The following SNTB1 variants were observed in gnomAD, a reference collection of about 807,000 sequenced individuals.
SNTB1 encodes beta-1-syntrophin.
Under a neutral mutation model 48.9 loss-of-function variants are expected in SNTB1, and 36 were observed. The observed-to-expected ratio is 0.74, with a 90% confidence interval of 0.56 to 0.97. SNTB1 has a LOEUF of 0.97. Ranked by LOEUF, SNTB1 falls within the 50% of genes least tolerant of loss-of-function variation. SNTB1 has a pLI of 0.00. For missense variants in SNTB1, 786 were observed against 703.4 expected (o/e 1.12, Z -1.33); for synonymous variants, 299 against 294.6 (o/e 1.01, Z -0.15).
intron 2 of SNTB1, among the ~76,000 whole-genome samples, chr8:120,671,218 T>G (rs1039066451): frequency 2.9e-4 from 44 of 152,172 alleles, no homozygotes; most frequent in Admixed American, 7.9e-4. Flanking sequence ...TTTAGAGGAA[T>G]TTGAGAAGCA....
At chr8:120,632,228 A>G (rs1449252427) in intron 3 of SNTB1, among the ~76,000 whole-genome samples, 1 of 152,142 alleles carries the variant, frequency 6.6e-6, no homozygotes. Flanking sequence ...ACCCCGTGCA[A>G]TTTGCCACAT....
chr8:120,686,895 T>A (rs930074666), intron 2 of SNTB1, among the ~76,000 whole-genome samples: 2 of 152,184 alleles, frequency 1.3e-5, no homozygotes, highest in African/African-American at 4.8e-5. Flanking sequence ...ATAGTTTCCA[T>A]TATGAAGCCA....
intron 2 of SNTB1, among the ~76,000 whole-genome samples, chr8:120,675,743 A>T (rs1290059895): frequency 1.3e-5 from 2 of 152,222 alleles, no homozygotes; most frequent in Non-Finnish European, 2.9e-5. Context: ...CCAGAATTCC[A>T]CAAAACTGAT....
intron 1 of SNTB1, among the ~76,000 whole-genome samples, chr8:120,791,226 T>C (rs1484741725): frequency 6.6e-6 from 1 of 151,796 alleles, no homozygotes; most frequent in Non-Finnish European, 1.5e-5. Flanking sequence ...TAAATGTTGA[T>C]AGGAAAATTG....
At chr8:120,637,246 G>A in intron 2 of SNTB1, 1 of 344,658 alleles carries the variant, frequency 2.9e-6, no homozygotes, top group South Asian at 3.6e-5. Context: ...AAAATAAGAT[G>A]GGAAAAAGTC....
chr8:120,541,741 G>A (rs554815740), intron 6 of SNTB1, 69 bp downstream of exon 6: 2 of 1,154,834 alleles, frequency 1.7e-6, no homozygotes, highest in African/African-American at 3.1e-5. Context: ...ATAAGAGTAA[G>A]GCAGCATTAT....
intron 1 of SNTB1, among the ~76,000 whole-genome samples, chr8:120,774,280 C>T (rs1819693106): frequency 6.6e-6 from 1 of 152,196 alleles, no homozygotes; most frequent in Admixed American, 6.5e-5. Context: ...TTCATGAGCA[C>T]ACCCCATGAA....
At position 120,628,583 on chromosome 8, in the gene SNTB1, C is replaced by A. The variant is rs112593598; in HGVS notation, c.996+3861G>T. ...ACCATCCTGGCCAACAGAGCAAAAC[C>A]CCATCTCTTCTAAAACTACAAAAAT... On this transcript the variant is annotated intron_variant, in intron 3 of 6. Transcript: ENST00000517992. Among the ~76,000 whole-genome samples, 330 of 152,208 alleles carry A rather than the reference C, an allele frequency of 2.2e-3. 4 individuals are homozygous for A. The highest frequency in any genetic ancestry group is 7.0e-3 in the African/African-American group (291 of 41,534).
chr8:120,546,219 T>C (rs1476142693), intron 5 of SNTB1, among the ~76,000 whole-genome samples: 1 of 152,232 alleles, frequency 6.6e-6, no homozygotes, highest in Admixed American at 6.5e-5. Flanking sequence ...TGACACCTGA[T>C]GCCCTTTGAT....
At chr8:120,627,012 T>C (rs1391598573) in intron 3 of SNTB1, among the ~76,000 whole-genome samples, 1 of 152,184 alleles carries the variant, frequency 6.6e-6, no homozygotes, top group Non-Finnish European at 1.5e-5. Flanking sequence ...TCTTGTGAAG[T>C]GTCATATGGA....
At chr8:120,547,351 T>TATGTGAC (rs1293162588) in intron 5 of SNTB1, among the ~76,000 whole-genome samples, 6 of 152,250 alleles carry the variant, frequency 3.9e-5, no homozygotes, top group African/African-American at 1.4e-4. Context: ...ATCCCAGCAC[T>TATGTGAC]TTGGGAAGTC....
chr8:120,607,088 T>C (rs1563830031), intron 3 of SNTB1, among the ~76,000 whole-genome samples: 2 of 152,090 alleles, frequency 1.3e-5, no homozygotes, highest in Non-Finnish European at 2.9e-5. Context: ...AGGCACAGAA[T>C]TAGTATACAG....
intron 2 of SNTB1, among the ~76,000 whole-genome samples, chr8:120,645,240 T>C (rs980593208): frequency 6.6e-6 from 1 of 152,180 alleles, no homozygotes; most frequent in East Asian, 1.9e-4. Flanking sequence ...TCCTTGCCCA[T>C]GCCTATGTCC....
At chr8:120,784,742 G>A (rs1429010897) in intron 1 of SNTB1, among the ~76,000 whole-genome samples, 1 of 152,208 alleles carries the variant, frequency 6.6e-6, no homozygotes, top group Non-Finnish European at 1.5e-5. Flanking sequence ...ACAAAATAGT[G>A]TATTGAGATT....
intron 1 of SNTB1, among the ~76,000 whole-genome samples, chr8:120,794,116 A>G (rs1222935672): frequency 6.6e-6 from 1 of 151,996 alleles, no homozygotes; most frequent in Non-Finnish European, 1.5e-5. Context: ...GAATGGGCAG[A>G]GATGGTGAAT....
chr8:120,569,772 T>C (rs1310810268), intron 4 of SNTB1, among the ~76,000 whole-genome samples: 2 of 152,356 alleles, frequency 1.3e-5, no homozygotes, highest in Admixed American at 1.3e-4. Flanking sequence ...CAGGTGGCTA[T>C]TGGACCCTTG....
intron 2 of SNTB1, among the ~76,000 whole-genome samples, chr8:120,681,430 CA>C (rs992177852): frequency 6.6e-6 from 1 of 152,158 alleles, no homozygotes; most frequent in Admixed American, 6.5e-5. Context: ...TAAAGGGCCA[CA>C]AAGAGAATTC....
intron 1 of SNTB1, among the ~76,000 whole-genome samples, chr8:120,767,535 G>T (rs1182767197): frequency 1.3e-5 from 2 of 152,204 alleles, no homozygotes; most frequent in African/African-American, 4.8e-5. Context: ...GTAGTAGAAG[G>T]ATCTAGTGGT....
intron 2 of SNTB1, among the ~76,000 whole-genome samples, chr8:120,679,528 G>A (rs66486105): frequency 0.15 from 22,890 of 152,054 alleles, 3,257 homozygotes; most frequent in African/African-American, 0.37. Context: ...AATTAATTCC[G>A]GAATACTTCT....
Sources: allele counts gnomAD v4.1 joint callset (sites outside exome capture counted in the v4.1 genomes callset), GRCh38; gene constraint gnomAD v4.1.1; transcripts MANE v1.5; gene names NCBI Gene and HGNC (gene_info 2026-07-23, HGNC 2026-07-21).